The following FGF14 variants were observed in gnomAD, a reference collection of about 807,000 sequenced individuals.
FGF14 encodes fibroblast growth factor homologous factor 4.
Under a neutral mutation model 25.5 loss-of-function variants are expected in FGF14, and 5 were observed. That is an observed-to-expected ratio of 0.20 (90% CI 0.10 to 0.41). The LOEUF (loss-of-function observed/expected upper bound fraction) is 0.41, where lower values mean the gene tolerates loss of function less well. FGF14 is among the 10% of genes least tolerant of loss of function. The pLI is 1.00. For missense variants in FGF14, 222 were observed against 320.1 expected (o/e 0.69, Z 2.34); for synonymous variants, 138 against 118.3 (o/e 1.17, Z -1.08).
At chr13:101,895,855 G>T (rs1453117945) in intron 1 of FGF14, among the ~76,000 whole-genome samples, 1 of 152,140 alleles carries the variant, frequency 6.6e-6, no homozygotes, top group African/African-American at 2.4e-5. Flanking sequence ...ACTTTCAATG[G>T]TAGAGGAAAG....
chr13:102,022,348 T>A (rs1483554768), intron 1 of FGF14, among the ~76,000 whole-genome samples: 1 of 152,116 alleles, frequency 6.6e-6, no homozygotes. Flanking sequence ...GAAGATTTCC[T>A]AATCACAGGC....
At chr13:101,875,431 T>G in intron 1 of FGF14, 135 bp from the exon 2 acceptor site, 1 of 696,188 alleles carries the variant, frequency 1.4e-6, no homozygotes, top group Admixed American at 2.2e-5. Context: ...TCTCAGATTC[T>G]TCTGTGTTTT....
intron 1 of FGF14, among the ~76,000 whole-genome samples, chr13:101,887,980 G>A (rs2046080955): frequency 1.3e-5 from 2 of 152,166 alleles, no homozygotes; most frequent in African/African-American, 4.8e-5. Context: ...AGATGAAATT[G>A]AGTCAGAGAT....
At chr13:101,868,175 GA>G (rs752971054) in intron 3 of FGF14, among the ~76,000 whole-genome samples, 4 of 152,126 alleles carry the variant, frequency 2.6e-5, no homozygotes, top group Non-Finnish European at 5.9e-5. Context: ...CAGCATATCT[GA>G]GTGCAAATCG....
chr13:101,822,249 T>C (rs1288475264), intron 3 of FGF14, among the ~76,000 whole-genome samples: 2 of 152,182 alleles, frequency 1.3e-5, no homozygotes, highest in Non-Finnish European at 2.9e-5. Flanking sequence ...ATTAAGCACC[T>C]TTTTATGGAA....
intron 1 of FGF14, among the ~76,000 whole-genome samples, chr13:101,876,713 A>C (rs1331979872): frequency 1.3e-5 from 2 of 152,188 alleles, no homozygotes; most frequent in Non-Finnish European, 2.9e-5. Flanking sequence ...TAAATATCTA[A>C]GTGATTATTG....
At chr13:101,861,991 C>G (rs2044441801) in intron 3 of FGF14, among the ~76,000 whole-genome samples, 1 of 152,104 alleles carries the variant, frequency 6.6e-6, no homozygotes, top group African/African-American at 2.4e-5. Context: ...GAAGCAAACA[C>G]AGCCATCACT....
chr13:102,267,512 T>C (rs1235110574), intron 1 of FGF14, among the ~76,000 whole-genome samples: 1 of 152,152 alleles, frequency 6.6e-6, no homozygotes, highest in African/African-American at 2.4e-5. Flanking sequence ...ACATATGAAA[T>C]GTATTGGCCA....
At chr13:101,748,607 C>G (rs947755014) in intron 3 of FGF14, among the ~76,000 whole-genome samples, 2 of 151,678 alleles carry the variant, frequency 1.3e-5, no homozygotes, top group Non-Finnish European at 2.9e-5. Context: ...AAAAACAGTA[C>G]TAGTAGCCCC....
intron 3 of FGF14, among the ~76,000 whole-genome samples, chr13:101,779,319 T>A (rs1203021917): frequency 6.6e-6 from 1 of 152,162 alleles, no homozygotes; most frequent in Non-Finnish European, 1.5e-5. Context: ...GACAAATATG[T>A]CATGTGTCCA....
intron 1 of FGF14, among the ~76,000 whole-genome samples, chr13:102,103,643 C>G (rs945532519): frequency 6.6e-6 from 1 of 152,174 alleles, no homozygotes; most frequent in African/African-American, 2.4e-5. Flanking sequence ...CAAAGCCCAA[C>G]AAGATCTCCT....
chr13:101,883,495 C>T (rs577623020), intron 1 of FGF14, among the ~76,000 whole-genome samples: 3 of 152,140 alleles, frequency 2.0e-5, no homozygotes, highest in Non-Finnish European at 2.9e-5. Flanking sequence ...TTGTTAGGAG[C>T]TGAGAGGAAT....
intron 1 of FGF14, among the ~76,000 whole-genome samples, chr13:102,129,842 A>G (rs1283275217): frequency 6.6e-6 from 1 of 152,218 alleles, no homozygotes; most frequent in Non-Finnish European, 1.5e-5. Context: ...ATAAAAAAAA[A>G]GAATTAAGAG....
intron 1 of FGF14, among the ~76,000 whole-genome samples, chr13:102,285,428 G>C (rs1311665012): frequency 6.6e-6 from 1 of 152,080 alleles, no homozygotes; most frequent in Non-Finnish European, 1.5e-5. Flanking sequence ...ACAGTTGGTG[G>C]GGTAAATGCT....
rs2034694541 is a variant in FGF14 at position 101,715,775 on chromosome 13, A to G, written c.*7056T>C. 5.1e-6 allele frequency: 3 copies of G among 586,658 alleles called. No homozygotes were observed. The highest frequency in any genetic ancestry group is 2.8e-5 in the South Asian group (1 of 36,014). The allele number at this position is 586,658 out of a possible 1,614,324, so 36.3% of individuals were successfully genotyped here. ...TAAAAAGACCATTGTATGTTTTTCT[A>G]TTTCTGAATTACGAATGAAATCCGA... On this transcript the variant is annotated 3_prime_UTR_variant, in exon 5 of 5. Transcript: ENST00000376143.
intron 1 of FGF14, among the ~76,000 whole-genome samples, chr13:101,934,618 CAAAT>C (rs2139267578): frequency 6.6e-6 from 1 of 152,290 alleles, no homozygotes; most frequent in African/African-American, 2.4e-5. Context: ...TCAAAATAAA[CAAAT>C]AAGAACATTA....
chr13:102,057,165 A>T (rs530280817), intron 1 of FGF14, among the ~76,000 whole-genome samples: 2 of 152,230 alleles, frequency 1.3e-5, no homozygotes, highest in African/African-American at 4.8e-5. Context: ...TAAACTATGA[A>T]TTTTTTAATC....
At chr13:102,335,134 C>A (rs928716840) in intron 1 of FGF14, among the ~76,000 whole-genome samples, 1 of 152,166 alleles carries the variant, frequency 6.6e-6, no homozygotes, top group South Asian at 2.1e-4. Flanking sequence ...CTTGTTAATA[C>A]ATCACATCTC....
At chr13:101,757,890 A>G (rs2037765028) in intron 3 of FGF14, among the ~76,000 whole-genome samples, 1 of 152,230 alleles carries the variant, frequency 6.6e-6, no homozygotes, top group South Asian at 2.1e-4. Context: ...GTGGATTTAA[A>G]TGACAGTAGA....
Sources: allele counts gnomAD v4.1 joint callset (sites outside exome capture counted in the v4.1 genomes callset), GRCh38; gene constraint gnomAD v4.1.1; transcripts MANE v1.5; gene names NCBI Gene and HGNC (gene_info 2026-07-23, HGNC 2026-07-21).